ITGA10: variants seen among roughly 807,000 people sequenced by gnomAD.
ITGA10 encodes integrin alpha-10.
In ITGA10, 105 loss-of-function variants were observed where a neutral mutation model predicts 145.2. The ratio of observed to expected loss-of-function variants is 0.72; its 90% confidence interval spans 0.62 to 0.85. The LOEUF (loss-of-function observed/expected upper bound fraction) is 0.85. ITGA10 is among the 40% of genes least tolerant of loss of function. The pLI is 0.00. For synonymous variants in ITGA10, 506 were observed against 557.8 expected (o/e 0.91, Z 1.31); for missense variants, 1,317 against 1,444.5 (o/e 0.91, Z 1.43).
At position 145,907,103 on chromosome 1, in the gene ITGA10, C is replaced by T. The variant is rs1553751483; in HGVS notation, c.212G>A (p.Gly71Glu). Residue 71 changes from glycine (G) to glutamate (E), a missense_variant, in exon 3 of 30, where the codon GGG (glycine) becomes GAG (glutamate). Coordinates refer to ENST00000369304, the MANE Select transcript of ITGA10 (RefSeq NM_003637.5). ...CCCTACAGGGCAGCGATAAACGTCC[C>T]CCCTCCGGTCGCCTGAAGGCCCATC... is the stretch of plus-strand genomic sequence containing the variant. ...PWDGPSGDRR[G>E]DVYRCPVGGA... is the part of the protein sequence containing the mutation. The T allele has an allele frequency of 1.3e-6, 2 of 1,564,394 alleles. No individual in the cohort carries two copies. Among genetic ancestry groups the T allele is most frequent in the Non-Finnish European group, 8.7e-7 (1 of 1,153,950 alleles).
At chr1:145,893,114 A>G in intron 29 of ITGA10, 47 bp downstream of exon 29, 4 of 1,386,196 alleles carry the variant, frequency 2.9e-6, no homozygotes, top group Non-Finnish European at 4.1e-6. Context: ...AGGATCCCTC[A>G]ACTCATGGGC....
rs782718319 is a variant in ITGA10 at position 145,904,224 on chromosome 1, G to A, written c.610-24C>T. 18 of 1,612,894 alleles carry A rather than the reference G, an allele frequency of 1.1e-5. 1 individual carries two copies. In the South Asian group the frequency reaches 2.0e-4, roughly 18 times the overall value. Reference sequence around the variant, plus strand: ...ACCTGGGAATAAAGCGCATTCAAATGAAATGTATGTATGTGAGATGGGGGG... The same window carrying A: ...ACCTGGGAATAAAGCGCATTCAAATAAAATGTATGTATGTGAGATGGGGGG... On this transcript the variant is annotated intron_variant, in intron 6 of 29. Coordinates refer to ENST00000369304, the MANE Select transcript of ITGA10 (RefSeq NM_003637.5).
intron 1 of ITGA10, among the ~76,000 whole-genome samples, chr1:145,908,066 G>A (rs1009969376): frequency 6.6e-6 from 1 of 151,984 alleles, no homozygotes; most frequent in Non-Finnish European, 1.5e-5. Flanking sequence ...CACCGCGCCT[G>A]GCTACTCTTT....
At position 145,901,628 on chromosome 1, in the gene ITGA10, C is replaced by A; in HGVS notation, c.1331G>T (p.Arg444Leu). Residue 444 changes from arginine to leucine, a missense_variant, in exon 12 of 30, where the codon CGC (arginine) becomes CTC (leucine). Physicochemically the swap from Arg to Leu is moderately radical, Grantham distance 102. Coordinates refer to ENST00000369304, the MANE Select transcript of ITGA10 (RefSeq NM_003637.5). The surrounding 1 kb of genome is among the most constrained non-coding windows in gnomAD (Gnocchi z 4.3). ...SVSSMLLRGG[R>L]RLFLSGAPRF... ...AGGAGCCCCAGAGAGAAACAGGCGG[C>A]GTCCACCCCGCAAAAGCATGGAAGA... The A allele has an allele frequency of 1.3e-6, 2 of 1,588,840 alleles. No homozygotes were observed. The highest frequency in any genetic ancestry group is 1.7e-6 in the Non-Finnish European group (2 of 1,170,158).
At chr1:145,895,932 GTC>G in intron 25 of ITGA10, 49 bp downstream of exon 25, 1 of 1,406,918 alleles carries the variant, frequency 7.1e-7, no homozygotes. Flanking sequence ...GCTTCAGTGA[GTC>G]CACCAGCTCA....
In ITGA10 at chr1:145,901,188, G is replaced by T; in HGVS notation, c.1534C>A (p.Leu512Met). ...DVLLVAAPMF[L>M]GPQNKETGRV... Reference sequence around the variant, plus strand: ...CCTGTTTCCTTGTTCTGGGGTCCCAGGAACATGGGGGCAGCCACAAGTAAG... The same window carrying T: ...CCTGTTTCCTTGTTCTGGGGTCCCATGAACATGGGGGCAGCCACAAGTAAG... The change falls in exon 13 of 30, where the codon CTG becomes ATG. Residue 512 changes from leucine to methionine, a missense_variant. By Grantham distance (15) the Leu-to-Met change is conservative. Transcript: ENST00000369304. This position sits in a 1 kb window ranked among gnomAD's most constrained non-coding sequence, Gnocchi z 4.3. The T allele has an allele frequency of 6.2e-7, 1 of 1,614,102 alleles. No homozygotes were observed. The highest frequency in any genetic ancestry group is 8.5e-7 in the Non-Finnish European group (1 of 1,180,018).
chr1:145,909,617 T>C (rs1657621252), intron 1 of ITGA10, among the ~76,000 whole-genome samples: 1 of 137,298 alleles, frequency 7.3e-6, no homozygotes, highest in African/African-American at 2.8e-5. Flanking sequence ...ATATAATATA[T>C]AATTATGTTA....
Position 145,896,023 on chromosome 1 carries a change from C to T in ITGA10, c.2993G>A (p.Gly998Asp), listed in dbSNP as rs782395310. ...TTGAGACAGTGATAGGAAGTAATTG[C>T]CCCCATGGGCCACAGCTGGAAGGAG... is the stretch of plus-strand genomic sequence containing the variant. ...SALLPAVAHGGNYFLSLSQVI... is the reference protein window; with the variant it reads ...SALLPAVAHGDNYFLSLSQVI... Residue 998 changes from glycine to aspartate, a missense_variant, in exon 25 of 30, where the codon GGC becomes GAC. Physicochemically the swap from Gly to Asp is moderately conservative, Grantham distance 94. Coordinates refer to ENST00000369304, the MANE Select transcript of ITGA10 (RefSeq NM_003637.5). The T allele has an allele frequency of 6.8e-6, 11 of 1,613,964 alleles. No homozygotes were observed. The highest frequency in any genetic ancestry group is 8.5e-6 in the Non-Finnish European group (10 of 1,179,894).
chr1:145,902,838 A>T lies in ITGA10; in HGVS notation c.882T>A (p.Ala294=), dbSNP rs782591746. The change falls in exon 8 of 30, where the codon GCT becomes GCA. Residue 294 remains alanine, a synonymous_variant. Coordinates refer to ENST00000369304, the MANE Select transcript of ITGA10 (RefSeq NM_003637.5). ...ELPAALKACE[A]GRVTRYGIAV... is the part of the protein sequence containing the mutation. Reference sequence around the variant, plus strand: ...CAATCCCATAGCGTGTCACTCTTCCAGCCTCACAGGCCTTTAGTGCTGCAG... The same window carrying T: ...CAATCCCATAGCGTGTCACTCTTCCTGCCTCACAGGCCTTTAGTGCTGCAG... 1.2e-6 allele frequency: 2 copies of T among 1,612,658 alleles called. No homozygotes were observed. The highest frequency in any genetic ancestry group is 2.2e-5 in the South Asian group (2 of 90,912).
rs782619442 is a variant in ITGA10, at chr1:145,900,982, C to T, written c.1599G>A (p.Leu533=). 6.8e-6 allele frequency: 11 copies of T among 1,614,076 alleles called. No individual in the cohort carries two copies. In the South Asian group the frequency reaches 1.2e-4, roughly 18 times the overall value. ...YVYLVGQQSL[L]TLQGTLQPEP... ...CTGGCTGAAGTGTTCCTTGGAGGGT[C>T]AGCAAGGACTGCTGGTGGAGGAGAG... The change falls in exon 14 of 30, where the codon CTG becomes CTA. Residue 533 remains leucine (L), a synonymous_variant. Transcript: ENST00000369304.
At position 145,909,993 on chromosome 1, in the gene ITGA10, G is replaced by A. The variant is rs781990770; in HGVS notation, c.22C>T (p.His8Tyr). MELPFVT[H>Y]LFLPLVFLTG... Reference sequence around the variant, plus strand: ...AGGAACACCAGGGGCAAGAACAGGTGAGTGACGAAGGGGAGTTCCATGCCT... The same window carrying A: ...AGGAACACCAGGGGCAAGAACAGGTAAGTGACGAAGGGGAGTTCCATGCCT... The change falls in exon 1 of 30, where the codon CAC (histidine) becomes TAC (tyrosine). Residue 8 changes from histidine (H) to tyrosine (Y), a missense_variant. Physicochemically the swap from His to Tyr is moderately conservative, Grantham distance 83. Coordinates refer to ENST00000369304, the MANE Select transcript of ITGA10 (RefSeq NM_003637.5). The A allele has an allele frequency of 3.1e-6, 5 of 1,613,318 alleles. No homozygotes were observed. Among genetic ancestry groups the A allele is most frequent in the Non-Finnish European group, 4.2e-6 (5 of 1,179,550 alleles).
Position 145,900,948 on chromosome 1 carries a change from G to T in ITGA10, c.1633C>A (p.Gln545Lys), listed in dbSNP as rs781920857. Reference sequence around the variant, plus strand: ...ATGGCAAAGCCAAACCGAGCATCCTGGGGGGGTTCTGGCTGAAGTGTTCCT... The same window carrying T: ...ATGGCAAAGCCAAACCGAGCATCCTTGGGGGGTTCTGGCTGAAGTGTTCCT... ...LQGTLQPEPPQDARFGFAMGA... is the reference protein window; with the variant it reads ...LQGTLQPEPPKDARFGFAMGA... The change falls in exon 14 of 30, where the codon CAG becomes AAG. Residue 545 changes from glutamine (Q) to lysine (K), a missense_variant. Coordinates refer to ENST00000369304, the MANE Select transcript of ITGA10 (RefSeq NM_003637.5). The T allele has an allele frequency of 9.3e-6, 15 of 1,613,870 alleles. No individual in the cohort carries two copies. Among genetic ancestry groups the T allele is most frequent in the African/African-American group, 4.0e-5 (3 of 74,866 alleles).
chr1:145,907,931 C>T (rs782790963), intron 1 of ITGA10, among the ~76,000 whole-genome samples: 3 of 151,772 alleles, frequency 2.0e-5, no homozygotes, highest in Admixed American at 6.6e-5. Flanking sequence ...CCACCTCGCC[C>T]GGCTAATTTT....
chr1:145,909,531 AATAT>A (rs56913705), intron 1 of ITGA10, among the ~76,000 whole-genome samples: 2 of 127,758 alleles, frequency 1.6e-5, no homozygotes, highest in African/African-American at 7.2e-5. Flanking sequence ...TATTATATAT[AATAT>A]ATAATTATGT....
intron 14 of ITGA10, 60 bp from the exon 15 acceptor site, chr1:145,900,247 CTGCCT>C: frequency 6.7e-7 from 1 of 1,493,212 alleles, no homozygotes; most frequent in Non-Finnish European, 9.0e-7. Flanking sequence ...CTCAGGCCTC[CTGCCT>C]TGCTCTTTCT....
chr1:145,904,242 A>G, intron 6 of ITGA10, 42 bp from the exon 7 acceptor site: 1 of 1,598,428 alleles, frequency 6.3e-7, no homozygotes, highest in Non-Finnish European at 8.6e-7. Context: ...TGTATGTGAG[A>G]TGGGGGGAGA....
Position 145,901,910 on chromosome 1 carries a change from G to A in ITGA10, c.1261C>T (p.Pro421Ser). The change falls in exon 11 of 30, where the codon CCC becomes TCC. Residue 421 changes from proline to serine, a missense_variant. Physicochemically the swap from Pro to Ser is moderately conservative, Grantham distance 74. Coordinates refer to ENST00000369304, the MANE Select transcript of ITGA10 (RefSeq NM_003637.5). This position sits in a 1 kb window ranked among gnomAD's most constrained non-coding sequence, Gnocchi z 4.3. ...GCTGCATGGTTCTGCAATGCAGGGG[G>A]GAACTCGTCTTCCAGTGCCATTCGT... is the stretch of plus-strand genomic sequence containing the variant. ...PPRMALEDEF[P>S]PALQNHAAYL... 6.2e-7 allele frequency: 1 copy of A among 1,614,140 alleles called. No homozygotes were observed. Among genetic ancestry groups the A allele is most frequent in the Non-Finnish European group, 8.5e-7 (1 of 1,180,022 alleles).
chr1:145,907,282 C>T, intron 2 of ITGA10, 72 bp downstream of exon 2: 1 of 1,611,898 alleles, frequency 6.2e-7, no homozygotes, highest in Non-Finnish European at 8.5e-7. Context: ...GTTTAGAGTC[C>T]CATCTATCTT....
intron 24 of ITGA10, 65 bp downstream of exon 24, chr1:145,896,203 C>A: frequency 4.7e-6 from 7 of 1,494,752 alleles, no homozygotes; most frequent in Non-Finnish European, 6.5e-6. Flanking sequence ...CCCTTCCCAT[C>A]CTTTTCCCAC....
Sources: allele counts gnomAD v4.1 joint callset (sites outside exome capture counted in the v4.1 genomes callset), GRCh38; gene constraint gnomAD v4.1.1; non-coding constraint Gnocchi (gnomAD v3.1); transcripts MANE v1.5; gene names NCBI Gene and HGNC (gene_info 2026-07-23, HGNC 2026-07-21).